The following CSMD1 variants were observed in gnomAD, a reference collection of about 807,000 sequenced individuals.
CSMD1 encodes CUB and sushi domain-containing protein 1.
Under a neutral mutation model 417.5 loss-of-function variants are expected in CSMD1, and 213 were observed. The observed-to-expected ratio is 0.51, with a 90% CI of 0.46 to 0.57. The LOEUF (loss-of-function observed/expected upper bound fraction) is 0.57, where lower values mean the gene tolerates loss of function less well. Ranked by LOEUF, CSMD1 falls within the 20% of genes least tolerant of loss-of-function variation. CSMD1 has a pLI of 0.00. For synonymous variants in CSMD1, 2,862 were observed against 1,736.8 expected, an observed-to-expected ratio of 1.65 and a Z score of -16.11; for missense variants, 6,923 against 4,529.7, an observed-to-expected ratio of 1.53 and a Z score of -15.17.
At chr8:3,307,919 A>G (rs1805009331) in intron 24 of CSMD1, 98 bp from the exon 25 acceptor site, 1 of 1,294,158 alleles carries the variant, frequency 7.7e-7, no homozygotes, top group Middle Eastern at 1.9e-4. Flanking sequence ...TCTGCATTAT[A>G]TACATAGAGA....
chr8:4,081,899 G>C (rs936768978), intron 3 of CSMD1, among the ~76,000 whole-genome samples: 3 of 152,174 alleles, frequency 2.0e-5, no homozygotes, highest in African/African-American at 4.8e-5. Context: ...AGTTACAGTA[G>C]TGCTCATGGG....
chr8:4,397,353 A>G (rs1804310461), intron 3 of CSMD1, among the ~76,000 whole-genome samples: 1 of 152,130 alleles, frequency 6.6e-6, no homozygotes, highest in African/African-American at 2.4e-5. Context: ...TCCATGAAAG[A>G]GGAAGTCGAA....
chr8:3,933,842 G>T (rs1483618057), intron 5 of CSMD1, among the ~76,000 whole-genome samples: 1 of 152,014 alleles, frequency 6.6e-6, no homozygotes, highest in Non-Finnish European at 1.5e-5. Flanking sequence ...TGGACATACT[G>T]CTGTGCTCTG....
intron 22 of CSMD1, among the ~76,000 whole-genome samples, chr8:3,347,017 T>C (rs1808050484): frequency 6.6e-6 from 1 of 152,176 alleles, no homozygotes; most frequent in South Asian, 2.1e-4. Flanking sequence ...CTGTGCCATG[T>C]TGAAAGAATT....
At chr8:4,418,577 A>G (rs1417732756) in intron 3 of CSMD1, among the ~76,000 whole-genome samples, 1 of 152,194 alleles carries the variant, frequency 6.6e-6, no homozygotes, top group Non-Finnish European at 1.5e-5. Context: ...CTGAACAAAT[A>G]TTGTATGTTA....
chr8:3,531,425 T>C (rs1364168275), intron 10 of CSMD1, among the ~76,000 whole-genome samples: 1 of 152,206 alleles, frequency 6.6e-6, no homozygotes, highest in East Asian at 1.9e-4. Context: ...AACATTATTC[T>C]ATATGTGATA....
At chr8:4,544,295 G>A (rs1004137595) in intron 2 of CSMD1, among the ~76,000 whole-genome samples, 2 of 151,954 alleles carry the variant, frequency 1.3e-5, no homozygotes, top group Non-Finnish European at 2.9e-5. Flanking sequence ...GTTTGTAAGA[G>A]GTCTATTGTC....
chr8:4,173,937 C>A (rs1365508503), intron 3 of CSMD1, among the ~76,000 whole-genome samples: 3 of 152,014 alleles, frequency 2.0e-5, no homozygotes, highest in African/African-American at 7.3e-5. Flanking sequence ...TAGCTTCTTC[C>A]CTCAGCCTTG....
chr8:4,277,451 C>T (rs1796551350), intron 3 of CSMD1, among the ~76,000 whole-genome samples: 1 of 152,156 alleles, frequency 6.6e-6, no homozygotes, highest in South Asian at 2.1e-4. Flanking sequence ...AGTCAACCTC[C>T]TCACCACATA....
chr8:4,645,712 T>C (rs1803478769), intron 1 of CSMD1, among the ~76,000 whole-genome samples: 1 of 152,098 alleles, frequency 6.6e-6, no homozygotes, highest in Non-Finnish European at 1.5e-5. Context: ...CAAAGGAATA[T>C]TTAGCTAGAG....
intron 10 of CSMD1, among the ~76,000 whole-genome samples, chr8:3,501,968 T>C (rs1337665299): frequency 6.6e-6 from 1 of 152,182 alleles, no homozygotes; most frequent in African/African-American, 2.4e-5. Flanking sequence ...CAATCATTGC[T>C]GATGGGAATG....
At chr8:4,591,187 G>C (rs563988740) in intron 2 of CSMD1, among the ~76,000 whole-genome samples, 125 of 152,254 alleles carry the variant, frequency 8.2e-4, no homozygotes, top group Non-Finnish European at 1.3e-3. Context: ...CATATTATTA[G>C]GTATTGGCTG....
chr8:3,925,736 C>T (rs868069012), intron 5 of CSMD1, among the ~76,000 whole-genome samples: 3 of 152,024 alleles, frequency 2.0e-5, no homozygotes, highest in Admixed American at 6.6e-5. Flanking sequence ...GATTCTGAGG[C>T]CTCCCCAGCC....
intron 5 of CSMD1, among the ~76,000 whole-genome samples, chr8:3,832,539 T>C (rs776621153): frequency 7.2e-5 from 11 of 152,190 alleles, no homozygotes; most frequent in Non-Finnish European, 8.8e-5. Flanking sequence ...TTTTGTCTTA[T>C]TGTATATGTC....
chr8:3,869,768 G>A (rs1036454686), intron 5 of CSMD1, among the ~76,000 whole-genome samples: 4 of 152,042 alleles, frequency 2.6e-5, no homozygotes, highest in South Asian at 2.1e-4. Flanking sequence ...ACGGGGCCAG[G>A]GGTTTGATGT....
In CSMD1 at chr8:4,871,954, C is replaced by T. The variant is rs190491865; in HGVS notation, c.85+122378G>A. The stretch of plus-strand genomic sequence containing the variant: ...TTACCCACTATCTCTATGGTCTGGA[C>T]CAAGCATAGGTGACAGCAGCACGGC... On this transcript the variant is annotated intron_variant, in intron 1 of 69. Coordinates refer to ENST00000635120, the MANE Select transcript of CSMD1 (RefSeq NM_033225.6). Among the ~76,000 whole-genome samples the T allele has an allele frequency of 1.4e-4, 21 of 152,164 alleles. No homozygotes were observed. In the East Asian group the frequency reaches 3.9e-3, roughly 28 times the overall value.
At chr8:3,303,246 T>A (rs1427390152) in intron 25 of CSMD1, among the ~76,000 whole-genome samples, 1 of 150,740 alleles carries the variant, frequency 6.6e-6, no homozygotes, top group Non-Finnish European at 1.5e-5. Flanking sequence ...AGACTGGGGA[T>A]AAATGTATAG....
intron 3 of CSMD1, among the ~76,000 whole-genome samples, chr8:4,375,727 A>C (rs1022891517): frequency 1.3e-5 from 2 of 152,088 alleles, no homozygotes; most frequent in Non-Finnish European, 2.9e-5. Context: ...CTTCCTCCTC[A>C]CTTCCCGACT....
intron 1 of CSMD1, among the ~76,000 whole-genome samples, chr8:4,820,070 C>T (rs1799434549): frequency 6.6e-6 from 1 of 152,182 alleles, no homozygotes; most frequent in Non-Finnish European, 1.5e-5. Flanking sequence ...ATCCACCTGC[C>T]TTGTACCTCT....
Sources: gnomAD v4.1 joint callset for allele counts (sites outside exome capture counted in the v4.1 genomes callset) on GRCh38, gnomAD v4.1.1 for gene constraint, MANE v1.5 for transcripts, NCBI Gene and HGNC (gene_info 2026-07-23, HGNC 2026-07-21) for gene names.